The following GTF2IRD1 variants were observed in gnomAD, a reference collection of about 807,000 sequenced individuals.
GTF2IRD1 encodes the protein general transcription factor II-I repeat domain-containing protein 1.
A neutral mutation model predicts 113.2 loss-of-function variants in GTF2IRD1; 26 were observed. The ratio of observed to expected loss-of-function variants is 0.23; its 90% CI spans 0.17 to 0.32. GTF2IRD1 has a LOEUF of 0.32. Ranked by LOEUF, GTF2IRD1 falls within the 10% of genes least tolerant of loss-of-function variation. The pLI, the probability that GTF2IRD1 is intolerant of heterozygous loss-of-function variation, is 1.00. For missense variants in GTF2IRD1, 864 were observed against 1,280.8 expected (o/e 0.67, Z 4.97); for synonymous variants, 484 against 529.1 (o/e 0.91, Z 1.17).
chr7:74,479,556 G>A (rs1474054369), intron 1 of GTF2IRD1, among the ~76,000 whole-genome samples: 1 of 152,066 alleles, frequency 6.6e-6, no homozygotes, highest in Non-Finnish European at 1.5e-5. Context: ...GCAGGGCCTG[G>A]GCACAGTGCC....
intron 17 of GTF2IRD1, among the ~76,000 whole-genome samples, chr7:74,553,684 G>A (rs1341109620): frequency 6.6e-6 from 1 of 152,176 alleles, no homozygotes; most frequent in Non-Finnish European, 1.5e-5. Flanking sequence ...CGTCTGGTGG[G>A]TTTGAGGCCA....
intron 16 of GTF2IRD1, 75 bp from the exon 17 acceptor site, chr7:74,547,028 C>T (rs1271754177): frequency 2.2e-6 from 3 of 1,375,556 alleles, no homozygotes; most frequent in South Asian, 1.3e-5. Flanking sequence ...CCCCCCGACA[C>T]AGGCACGGGA....
intron 1 of GTF2IRD1, chr7:74,487,665 T>A (rs1250884895): frequency 6.6e-6 from 1 of 152,214 alleles, no homozygotes; most frequent in East Asian, 1.9e-4. Flanking sequence ...ACACTGTAAT[T>A]CCATTGGTAA....
At chr7:74,534,626 T>A (rs1439832726) in intron 9 of GTF2IRD1, among the ~76,000 whole-genome samples, 1 of 151,830 alleles carries the variant, frequency 6.6e-6, no homozygotes, top group Non-Finnish European at 1.5e-5. Flanking sequence ...TGACAATGAC[T>A]CCTGTTTTCA....
At chr7:74,573,448 G>A (rs917032642) in intron 22 of GTF2IRD1, among the ~76,000 whole-genome samples, 7 of 151,510 alleles carry the variant, frequency 4.6e-5, no homozygotes, top group African/African-American at 1.5e-4. Flanking sequence ...GGGGCTTTCC[G>A]GACCCGAAAG....
chr7:74,560,821 T>A (rs1332116952), intron 22 of GTF2IRD1, among the ~76,000 whole-genome samples: 10 of 151,942 alleles, frequency 6.6e-5, no homozygotes, highest in African/African-American at 2.4e-4. Flanking sequence ...CCTCAAGTGA[T>A]CCTCCTGCCT....
chr7:74,501,937 CT>C (rs1395223503), intron 1 of GTF2IRD1, among the ~76,000 whole-genome samples: 1 of 152,096 alleles, frequency 6.6e-6, no homozygotes, highest in African/African-American at 2.4e-5. Flanking sequence ...CAGGTGTGAG[CT>C]ACCGCGCCTG....
chr7:74,539,216 C>T (rs587660505), intron 13 of GTF2IRD1, among the ~76,000 whole-genome samples: 2 of 152,088 alleles, frequency 1.3e-5, no homozygotes, highest in East Asian at 1.9e-4. Flanking sequence ...GTGGCTGACA[C>T]GGGAGGATGG....
At chr7:74,537,987 C>T in intron 11 of GTF2IRD1, 149 bp from the exon 12 acceptor site, 1 of 706,098 alleles carries the variant, frequency 1.4e-6, no homozygotes, top group Non-Finnish European at 2.6e-6. Flanking sequence ...AGGTGGGGAG[C>T]ACCATCCTGG....
chr7:74,455,663 C>T (rs1584431093), intron 1 of GTF2IRD1, among the ~76,000 whole-genome samples: 1 of 152,282 alleles, frequency 6.6e-6, no homozygotes, highest in East Asian at 1.9e-4. Context: ...TAGACTCTGA[C>T]CTCTTCTGAG....
chr7:74,470,632 G>A (rs772672576), intron 1 of GTF2IRD1, among the ~76,000 whole-genome samples: 1 of 152,188 alleles, frequency 6.6e-6, no homozygotes, highest in East Asian at 1.9e-4. Flanking sequence ...CAATTCAGAT[G>A]TCAGACTGCC....
chr7:74,474,335 G>GC (rs1433914373), intron 1 of GTF2IRD1, among the ~76,000 whole-genome samples: 2 of 152,320 alleles, frequency 1.3e-5, no homozygotes, highest in African/African-American at 4.8e-5. Flanking sequence ...TCTCACTGTA[G>GC]CCCCCCTGGT....
At position 74,555,054 on chromosome 7, in the gene GTF2IRD1, C is replaced by CT. The variant is rs1437213969; in HGVS notation, c.1917-119dup. On this transcript the variant is annotated intron_variant, in intron 17 of 26. Transcript: ENST00000424337. This position sits in a 1 kb window ranked among gnomAD's most constrained non-coding sequence, Gnocchi z 5.3. The stretch of plus-strand genomic sequence containing the variant: ...GGGCGGCAGGGACTCCAGGCCTGAA[C>CT]TATGCATAGCCAGAAGGGTCCATTG... The CT allele has an allele frequency of 1.1e-5, 10 of 882,820 alleles. No individual in the cohort carries two copies. In the African/African-American group the frequency reaches 1.5e-4, roughly 13 times the overall value. 54.7% of individuals were successfully genotyped at this position (882,820 alleles called of 1,614,324 possible). A position where few individuals can be genotyped will look rare whatever the true frequency, so the allele number is the denominator to read the frequency against.
intron 26 of GTF2IRD1, 141 bp downstream of exon 26, chr7:74,601,321 G>T (rs990148776): frequency 7.1e-6 from 11 of 1,539,456 alleles, no homozygotes; most frequent in Non-Finnish European, 9.6e-6. Context: ...GGCCTCGGGG[G>T]TTATAGATGC....
At chr7:74,493,351 ATCC>A (rs1452848627) in intron 1 of GTF2IRD1, among the ~76,000 whole-genome samples, 2 of 151,522 alleles carry the variant, frequency 1.3e-5, no homozygotes, top group East Asian at 3.9e-4. Flanking sequence ...GGCTCAAGCA[ATCC>A]TCCTGCCTTG....
chr7:74,468,293 G>C (rs1793848114), intron 1 of GTF2IRD1, among the ~76,000 whole-genome samples: 1 of 151,522 alleles, frequency 6.6e-6, no homozygotes, highest in African/African-American at 2.4e-5. Flanking sequence ...CTTGAGCTTA[G>C]GAGTTTGAGA....
chr7:74,594,356 G>A (rs1360781663), intron 24 of GTF2IRD1, among the ~76,000 whole-genome samples: 4 of 152,054 alleles, frequency 2.6e-5, no homozygotes, highest in African/African-American at 9.7e-5. Flanking sequence ...CTCCAGCCTG[G>A]GCAAAAGAGT....
At chr7:74,520,998 C>T (rs1023782439) in intron 6 of GTF2IRD1, among the ~76,000 whole-genome samples, 2 of 151,870 alleles carry the variant, frequency 1.3e-5, no homozygotes, top group Non-Finnish European at 2.9e-5. Flanking sequence ...TTCTTGTTAA[C>T]CTGGCTTTCG....
At chr7:74,597,845 C>T (rs1397471657) in intron 25 of GTF2IRD1, among the ~76,000 whole-genome samples, 7 of 152,162 alleles carry the variant, frequency 4.6e-5, no homozygotes, top group Non-Finnish European at 8.8e-5. Flanking sequence ...GTGGGCCACA[C>T]GGCCCAGTAT....
Sources: gnomAD v4.1 joint callset for allele counts (sites outside exome capture counted in the v4.1 genomes callset) on GRCh38, gnomAD v4.1.1 for gene constraint, Gnocchi (gnomAD v3.1) non-coding constraint, MANE v1.5 for transcripts, NCBI Gene and HGNC (gene_info 2026-07-23, HGNC 2026-07-21) for gene names.